The following UBE2R2 variants were observed in gnomAD, a reference collection of about 807,000 sequenced individuals.
UBE2R2 encodes the protein ubiquitin conjugating enzyme E2 R2, also known as ubiquitin-conjugating enzyme E2 R2.
A neutral mutation model predicts 27.8 loss-of-function variants in UBE2R2; 1 was observed. The ratio of observed to expected loss-of-function variants is 0.04; its 90% CI spans 0.01 to 0.17. The LOEUF (loss-of-function observed/expected upper bound fraction) is 0.17, where lower values mean the gene tolerates loss of function less well. Ranked by LOEUF, UBE2R2 falls within the 10% of genes least tolerant of loss-of-function variation. UBE2R2 has a pLI of 1.00. For missense variants in UBE2R2, 100 were observed against 291.0 expected, an observed-to-expected ratio of 0.34 and a Z score of 4.78; for synonymous variants, 106 against 113.3, an observed-to-expected ratio of 0.94 and a Z score of 0.41.
intron 1 of UBE2R2, among the ~76,000 whole-genome samples, chr9:33,872,692 A>G (rs1196407506): frequency 6.6e-6 from 1 of 152,040 alleles, no homozygotes; most frequent in East Asian, 1.9e-4. Flanking sequence ...AGGCTGAGGC[A>G]GGAGAATCGC....
intron 1 of UBE2R2, among the ~76,000 whole-genome samples, chr9:33,840,118 A>G (rs1307087194): frequency 2.6e-5 from 4 of 152,220 alleles, no homozygotes; most frequent in African/African-American, 9.6e-5. Flanking sequence ...TAAAATTAGC[A>G]GAAAACGTCT....
chr9:33,900,112 G>A (rs952337080), intron 2 of UBE2R2, 62 bp from the exon 3 acceptor site: 18 of 1,330,896 alleles, frequency 1.4e-5, no homozygotes, highest in South Asian at 7.4e-5. Context: ...CTTTAGAACC[G>A]ATGTCCCTTT....
chr9:33,877,823 G>GTCTGTCTGTCTCTC, intron 1 of UBE2R2, among the ~76,000 whole-genome samples: 2 of 131,102 alleles, frequency 1.5e-5, no homozygotes, highest in African/African-American at 3.3e-5. Context: ...CTGTCTGTCT[G>GTCTGTCTGTCTCTC]TCTCTCTCTC....
rs1415361993 is a variant in UBE2R2 at position 33,883,731 on chromosome 9, AG to A, written c.178-3149del. On this transcript the variant is annotated intron_variant, in intron 1 of 4. Transcript: ENST00000263228. ...TCTGTCTCAAAAAAAAAAAAAAAAA[AG>A]AAATAAAAAAGAATAAGGTCAATAA... is the stretch of plus-strand genomic sequence containing the variant. 5.1e-3 allele frequency among the ~76,000 whole-genome samples: 771 copies of A among 150,226 alleles called. 15 individuals are homozygous for A. The highest frequency in any genetic ancestry group is 0.018 in the African/African-American group (714 of 40,716).
chr9:33,886,434 A>G (rs1408257571), intron 1 of UBE2R2, among the ~76,000 whole-genome samples: 1 of 152,128 alleles, frequency 6.6e-6, no homozygotes, highest in African/African-American at 2.4e-5. Flanking sequence ...AGGCAGGTGG[A>G]TCACAAGGTC....
At chr9:33,850,621 A>C (rs532480701) in intron 1 of UBE2R2, among the ~76,000 whole-genome samples, 106 of 152,254 alleles carry the variant, frequency 7.0e-4, no homozygotes, top group African/African-American at 2.4e-3. Flanking sequence ...GCCTGCCCCT[A>C]CAAATCCTGC....
chr9:33,863,112 C>T (rs7848217), intron 1 of UBE2R2, among the ~76,000 whole-genome samples: 29,506 of 149,876 alleles, frequency 0.2, 3,163 homozygotes, highest in South Asian at 0.33. Context: ...CCCTTGAACC[C>T]GGGAGGCAGA....
At chr9:33,872,949 T>C (rs1321603824) in intron 1 of UBE2R2, among the ~76,000 whole-genome samples, 2 of 151,988 alleles carry the variant, frequency 1.3e-5, no homozygotes, top group African/African-American at 4.8e-5. Context: ...CTGAGGCAGA[T>C]GGATCACTTG....
At chr9:33,868,518 G>C (rs1821413058) in intron 1 of UBE2R2, 1 of 152,152 alleles carries the variant, frequency 6.6e-6, no homozygotes, top group Non-Finnish European at 1.5e-5. Context: ...CTTTGAGCAA[G>C]TTAATAAGAA....
At chr9:33,886,859 A>T in intron 1 of UBE2R2, 22 bp from the exon 2 acceptor site, 1 of 1,554,940 alleles carries the variant, frequency 6.4e-7, no homozygotes, top group African/African-American at 1.4e-5. Context: ...ATTTATTAGC[A>T]TTTCATTTTT....
intron 1 of UBE2R2, among the ~76,000 whole-genome samples, chr9:33,859,785 TGTGTGTGTGTGTGTGAGA>T (rs760493058): frequency 1.9e-5 from 2 of 107,498 alleles, no homozygotes; most frequent in Admixed American, 9.8e-5. Context: ...TGTGTGTGTG[TGTGTGTGTGTGTGTGAGA>T]GAGAGAGAGA....
At chr9:33,844,757 A>T (rs2265040) in intron 1 of UBE2R2, among the ~76,000 whole-genome samples, 2 of 151,604 alleles carry the variant, frequency 1.3e-5, no homozygotes, top group African/African-American at 2.4e-5. Context: ...AAAACCACTC[A>T]AAATCATTTG....
At chr9:33,831,388 A>G (rs1362837956) in intron 1 of UBE2R2, among the ~76,000 whole-genome samples, 1 of 152,112 alleles carries the variant, frequency 6.6e-6, no homozygotes, top group Non-Finnish European at 1.5e-5. Context: ...TGTTATTCAA[A>G]AGAATATTTT....
intron 1 of UBE2R2, among the ~76,000 whole-genome samples, chr9:33,881,482 A>C (rs1225547237): frequency 6.6e-6 from 1 of 152,174 alleles, no homozygotes; most frequent in Non-Finnish European, 1.5e-5. Flanking sequence ...CTGTGCCTCC[A>C]TATCATCATC....
At chr9:33,839,068 C>T (rs147853792) in intron 1 of UBE2R2, among the ~76,000 whole-genome samples, 252 of 138,314 alleles carry the variant, frequency 1.8e-3, no homozygotes, top group African/African-American at 6.5e-3. Context: ...GGCAACAGAG[C>T]GAGGCACTGT....
intron 2 of UBE2R2, among the ~76,000 whole-genome samples, chr9:33,894,786 A>G (rs1245625152): frequency 1.3e-5 from 2 of 152,240 alleles, no homozygotes; most frequent in Non-Finnish European, 2.9e-5. Context: ...GGTCCCAGGT[A>G]CTTGGGAGGC....
At chr9:33,888,467 A>T (rs950170124) in intron 2 of UBE2R2, among the ~76,000 whole-genome samples, 2 of 152,166 alleles carry the variant, frequency 1.3e-5, no homozygotes, top group Admixed American at 6.6e-5. Context: ...GGATGTTGGA[A>T]GTACCTTTGC....
chr9:33,887,951 A>C (rs1821899726), intron 2 of UBE2R2, among the ~76,000 whole-genome samples: 1 of 152,244 alleles, frequency 6.6e-6, no homozygotes, highest in African/African-American at 2.4e-5. Context: ...CCGGGATTAC[A>C]GGCGTGAGCC....
intron 1 of UBE2R2, among the ~76,000 whole-genome samples, chr9:33,847,484 T>C (rs1820871149): frequency 3.3e-5 from 5 of 152,240 alleles, no homozygotes. Context: ...TATTTACTCT[T>C]TGTGTTTGTT....
Sources: gnomAD v4.1 joint callset for allele counts (sites outside exome capture counted in the v4.1 genomes callset) on GRCh38, gnomAD v4.1.1 for gene constraint, MANE v1.5 for transcripts, NCBI Gene and HGNC (gene_info 2026-07-23, HGNC 2026-07-21) for gene names.